The following VAV3 variants were observed in gnomAD, a reference collection of about 807,000 sequenced individuals.
VAV3 encodes vav guanine nucleotide exchange factor 3, also known as guanine nucleotide exchange factor VAV3.
VAV3 carries 94 observed loss-of-function variants against 131.2 expected under a neutral mutation model. That is an observed-to-expected ratio of 0.72 (90% confidence interval 0.61 to 0.85). The LOEUF is 0.85. Among genes scored for constraint, VAV3 ranks in the 40% least tolerant of loss-of-function variants. The pLI is 0.00. For missense variants in VAV3, 939 were observed against 1,002.7 expected, an observed-to-expected ratio of 0.94 and a Z score of 0.86; for synonymous variants, 349 against 342.0, an observed-to-expected ratio of 1.02 and a Z score of -0.22.
At chr1:107,821,276 T>C (rs1348461395) in intron 2 of VAV3, among the ~76,000 whole-genome samples, 5 of 152,200 alleles carry the variant, frequency 3.3e-5, no homozygotes, top group South Asian at 2.1e-4. Context: ...TTCAGAACTA[T>C]GATAGACATT....
chr1:107,708,766 C>A (rs1660603223), intron 15 of VAV3, among the ~76,000 whole-genome samples: 1 of 152,098 alleles, frequency 6.6e-6, no homozygotes, highest in Non-Finnish European at 1.5e-5. Flanking sequence ...ACTTCAAAAT[C>A]ACAATGAATT....
intron 1 of VAV3, among the ~76,000 whole-genome samples, chr1:107,922,417 T>G (rs1672942767): frequency 6.6e-6 from 1 of 152,154 alleles, no homozygotes; most frequent in African/African-American, 2.4e-5. Context: ...ATATCCTGAG[T>G]ACACTGTGAG....
intron 25 of VAV3, among the ~76,000 whole-genome samples, chr1:107,594,347 T>C (rs1311850326): frequency 6.6e-6 from 1 of 152,122 alleles, no homozygotes; most frequent in African/African-American, 2.4e-5. Context: ...GTGTTTAATA[T>C]ATATCTGTTT....
At chr1:107,765,050 G>C (rs752162372) in intron 9 of VAV3, 26 bp downstream of exon 9, 1 of 1,545,008 alleles carries the variant, frequency 6.5e-7, no homozygotes, top group Non-Finnish European at 8.9e-7. Context: ...TTTGCTTTAT[G>C]TCATAAACTA....
Position 107,645,285 on chromosome 1 carries a change from T to G in VAV3, c.1778-2530A>C, listed in dbSNP as rs1315508800. On this transcript the variant is annotated intron_variant, in intron 19 of 26. Transcript: ENST00000370056. ...TTTCTTCAACTCATATGGTTTTTTGTGGAATGGGTTGTGAGTTTATGATAT... is the reference window on the plus strand; with the variant it reads ...TTTCTTCAACTCATATGGTTTTTTGGGGAATGGGTTGTGAGTTTATGATAT... 2.0e-5 allele frequency among the ~76,000 whole-genome samples: 3 copies of G among 151,552 alleles called. No homozygotes were observed. The East Asian group carries it at 5.9e-4, about 30-fold the overall frequency.
intron 25 of VAV3, among the ~76,000 whole-genome samples, chr1:107,592,667 G>C (rs1399410373): frequency 6.6e-6 from 1 of 151,966 alleles, no homozygotes; most frequent in East Asian, 1.9e-4. Flanking sequence ...AAAAACCTAA[G>C]ATGCTATTTT....
At chr1:107,720,802 T>C (rs1661450902) in intron 15 of VAV3, among the ~76,000 whole-genome samples, 1 of 152,122 alleles carries the variant, frequency 6.6e-6, no homozygotes, top group South Asian at 2.1e-4. Context: ...ACATCAACAA[T>C]TTGTGAAGGA....
intron 1 of VAV3, among the ~76,000 whole-genome samples, chr1:107,935,080 T>C (rs1026468902): frequency 9.2e-5 from 14 of 152,228 alleles, no homozygotes; most frequent in African/African-American, 2.9e-4. Flanking sequence ...CAAACATTCA[T>C]ATCAGCCAAT....
intron 23 of VAV3, 66 bp from the exon 24 acceptor site, chr1:107,602,550 G>C: frequency 1.6e-6 from 2 of 1,245,402 alleles, no homozygotes; most frequent in Non-Finnish European, 2.2e-6. Context: ...ATAATTACCA[G>C]AGGGCATGCC....
intron 1 of VAV3, among the ~76,000 whole-genome samples, chr1:107,956,857 G>A (rs1674840182): frequency 6.6e-6 from 1 of 151,996 alleles, no homozygotes; most frequent in Admixed American, 6.6e-5. Context: ...AATTTTACCA[G>A]GGTTTTGTTT....
At chr1:107,897,851 T>C (rs956280233) in intron 1 of VAV3, among the ~76,000 whole-genome samples, 6 of 152,098 alleles carry the variant, frequency 3.9e-5, no homozygotes, top group African/African-American at 1.4e-4. Flanking sequence ...TGAAATTTTA[T>C]TGCTGTACCT....
intron 2 of VAV3, among the ~76,000 whole-genome samples, chr1:107,825,107 C>T (rs1021767670): frequency 6.6e-6 from 1 of 152,132 alleles, no homozygotes; most frequent in Non-Finnish European, 1.5e-5. Flanking sequence ...TGCCTTTCTA[C>T]CACAATAATA....
At chr1:107,955,501 G>C (rs1674763164) in intron 1 of VAV3, among the ~76,000 whole-genome samples, 1 of 151,964 alleles carries the variant, frequency 6.6e-6, no homozygotes, top group Non-Finnish European at 1.5e-5. Context: ...GCCTGGAAGG[G>C]AGACGGATAA....
chr1:107,961,068 G>T (rs761132774), intron 1 of VAV3, among the ~76,000 whole-genome samples: 1 of 152,044 alleles, frequency 6.6e-6, no homozygotes, highest in South Asian at 2.1e-4. Context: ...CTAAAACAGC[G>T]CCTGGAACAT....
intron 22 of VAV3, among the ~76,000 whole-genome samples, chr1:107,606,803 C>CTTTTTTTTTT (rs34849497): frequency 1.7e-5 from 1 of 58,010 alleles, no homozygotes. Flanking sequence ...ATGGTTTCTT[C>CTTTTTTTTTT]TTTTTTTTTT....
At chr1:107,669,253 T>C in intron 19 of VAV3, 2 of 1,252,674 alleles carry the variant, frequency 1.6e-6, no homozygotes, top group Non-Finnish European at 1.0e-6. Context: ...TAAGTGTCCA[T>C]AGGATCTCTT....
At chr1:107,904,130 T>C (rs1160653277) in intron 1 of VAV3, among the ~76,000 whole-genome samples, 2 of 152,138 alleles carry the variant, frequency 1.3e-5, no homozygotes, top group African/African-American at 2.4e-5. Context: ...GCTTGTGGAA[T>C]TGCCTCCACT....
At chr1:107,734,191 A>G (rs1662442599) in intron 15 of VAV3, among the ~76,000 whole-genome samples, 1 of 152,240 alleles carries the variant, frequency 6.6e-6, no homozygotes, top group Non-Finnish European at 1.5e-5. Flanking sequence ...GGCCTGCCTT[A>G]CAAGAGCTCC....
chr1:107,728,652 T>TACGTATACG (rs1662026314), intron 15 of VAV3, among the ~76,000 whole-genome samples: 1 of 149,854 alleles, frequency 6.7e-6, no homozygotes, highest in African/African-American at 2.4e-5. Context: ...TGTATATGTA[T>TACGTATACG]TGTGTAAAAC....
Sources: gnomAD v4.1 joint callset for allele counts (sites outside exome capture counted in the v4.1 genomes callset) on GRCh38, gnomAD v4.1.1 for gene constraint, MANE v1.5 for transcripts, NCBI Gene and HGNC (gene_info 2026-07-23, HGNC 2026-07-21) for gene names.